The following AGPAT3 variants were observed in gnomAD, a reference collection of about 807,000 sequenced individuals.
AGPAT3 encodes 1-acyl-sn-glycerol-3-phosphate acyltransferase gamma.
Under a neutral mutation model 47.3 loss-of-function variants are expected in AGPAT3, and 5 were observed. The ratio of observed to expected loss-of-function variants is 0.11; its 90% confidence interval spans 0.06 to 0.22. The LOEUF (loss-of-function observed/expected upper bound fraction) is 0.22, where lower values mean the gene tolerates loss of function less well. AGPAT3 is among the 10% of genes least tolerant of loss of function. AGPAT3 has a pLI of 1.00. For synonymous variants in AGPAT3, 212 were observed against 208.3 expected (o/e 1.02, Z -0.15); for missense variants, 315 against 493.0 (o/e 0.64, Z 3.42).
chr21:43,950,666 T>C (rs1434839798), intron 2 of AGPAT3: 6 of 152,294 alleles, frequency 3.9e-5, no homozygotes, highest in Admixed American at 1.3e-4. Flanking sequence ...CGCTGCTCAG[T>C]GGCCTCCAAG....
In AGPAT3 at chr21:43,939,986, C is replaced by T. The variant is rs567267202; in HGVS notation, c.-48-19648C>T. On this transcript the variant is annotated intron_variant, in intron 2 of 9. Transcript: ENST00000291572. The surrounding 1 kb of genome is among the most constrained non-coding windows in gnomAD (Gnocchi z 4.4). ...AACCTGTGTGTATGTCCTGCTTCAG[C>T]GCGCTCCTGGGGTCCCTTGAGTTGG... 2.0e-5 allele frequency among the ~76,000 whole-genome samples: 3 copies of T among 152,232 alleles called. No individual in the cohort carries two copies. Among genetic ancestry groups the T allele is most frequent in the South Asian group, 2.1e-4 (1 of 4,832 alleles).
intron 1 of AGPAT3, among the ~76,000 whole-genome samples, chr21:43,896,216 T>A (rs1289690569): frequency 3.3e-5 from 5 of 152,246 alleles, no homozygotes; most frequent in Non-Finnish European, 7.3e-5. Flanking sequence ...GATAACTGTT[T>A]TTAACTTCTG....
chr21:43,985,363 C>T lies in AGPAT3; in HGVS notation c.*2971C>T. 1 of 337,118 alleles carries T rather than the reference C, an allele frequency of 3.0e-6. No individual in the cohort carries two copies. Among genetic ancestry groups the T allele is most frequent in the Middle Eastern group, 4.1e-4 (1 of 2,428 alleles). The allele number at this position is 337,118 out of a possible 1,614,324, so 20.9% of individuals were successfully genotyped here. On this transcript the variant is annotated 3_prime_UTR_variant, in exon 10 of 10. Transcript: ENST00000291572. ...GAGCGCTGAACAAATCACTAAATAA[C>T]ACAAAACAACAATGTAAGCAGCACT...
At chr21:43,895,862 G>T (rs2086204308) in intron 1 of AGPAT3, among the ~76,000 whole-genome samples, 1 of 152,206 alleles carries the variant, frequency 6.6e-6, no homozygotes, top group Non-Finnish European at 1.5e-5. Context: ...CACCTCCCTG[G>T]TTTGAGTGGT....
Position 43,969,092 on chromosome 21 carries a change from G to A in AGPAT3, c.349-26G>A, listed in dbSNP as rs1437111790. On this transcript the variant is annotated intron_variant, in intron 4 of 9. Transcript: ENST00000291572. The stretch of plus-strand genomic sequence containing the variant: ...GCCTCTGTCCGACGCTGAAGTGCCA[G>A]GTGCCCCTCCTTCTCCTCCCTCCAG... The A allele has an allele frequency of 5.0e-6, 8 of 1,612,492 alleles. No individual in the cohort carries two copies. The East Asian group carries it at 1.1e-4, about 22-fold the overall frequency.
In AGPAT3 at chr21:43,872,815, A is replaced by G. The variant is rs185846916; in HGVS notation, c.-112+7470A>G. 5.3e-4 allele frequency among the ~76,000 whole-genome samples: 81 copies of G among 152,338 alleles called. 1 individual carries two copies. Among genetic ancestry groups the G allele is most frequent in the Admixed American group, 3.3e-3 (51 of 15,304 alleles). ...CCATGCTGCCTTCCGGTGTGGGTACAAACAGTGGCCGTTTAGTTCTGAATC... is the reference window on the plus strand; with the variant it reads ...CCATGCTGCCTTCCGGTGTGGGTACGAACAGTGGCCGTTTAGTTCTGAATC... On this transcript the variant is annotated intron_variant, in intron 1 of 9. Transcript: ENST00000291572.
chr21:43,977,416 CA>C (rs1441650608), intron 7 of AGPAT3, among the ~76,000 whole-genome samples: 1 of 152,204 alleles, frequency 6.6e-6, no homozygotes, highest in African/African-American at 2.4e-5. Context: ...CTCATGGGAC[CA>C]GGGGCGTGGC....
intron 2 of AGPAT3, among the ~76,000 whole-genome samples, chr21:43,909,064 A>T (rs1022078260): frequency 6.6e-6 from 1 of 152,110 alleles, no homozygotes; most frequent in Admixed American, 6.5e-5. Context: ...TTTAATTTTT[A>T]CTTACTATTT....
chr21:43,929,708 A>T (rs1224537803), intron 2 of AGPAT3, among the ~76,000 whole-genome samples: 4 of 152,128 alleles, frequency 2.6e-5, no homozygotes, highest in African/African-American at 9.7e-5. Context: ...CCTTACTGGG[A>T]TGGAGGGAGA....
At chr21:43,946,315 T>G (rs2087886783) in intron 2 of AGPAT3, among the ~76,000 whole-genome samples, 1 of 152,162 alleles carries the variant, frequency 6.6e-6, no homozygotes, top group Admixed American at 6.6e-5. Flanking sequence ...GAAAAGTGCA[T>G]GAGGCCAGGC....
intron 2 of AGPAT3, among the ~76,000 whole-genome samples, chr21:43,944,559 A>G (rs927367050): frequency 2.0e-5 from 3 of 152,230 alleles, no homozygotes; most frequent in African/African-American, 4.8e-5. Flanking sequence ...ACTGATTGAC[A>G]GGGGAGAAAG....
intron 2 of AGPAT3, among the ~76,000 whole-genome samples, chr21:43,935,373 G>A (rs1372476851): frequency 6.6e-6 from 1 of 152,250 alleles, no homozygotes; most frequent in African/African-American, 2.4e-5. Context: ...GGGAGGCTGA[G>A]CCGGGGTCCC....
chr21:43,960,996 T>C (rs1177753505), intron 3 of AGPAT3, among the ~76,000 whole-genome samples: 1 of 151,864 alleles, frequency 6.6e-6, no homozygotes, highest in Non-Finnish European at 1.5e-5. Flanking sequence ...CAAAATTAGC[T>C]GAGCATGGTG....
intron 2 of AGPAT3, among the ~76,000 whole-genome samples, chr21:43,931,505 A>G (rs1477350382): frequency 6.6e-6 from 1 of 152,212 alleles, no homozygotes; most frequent in Non-Finnish European, 1.5e-5. Flanking sequence ...TTATATTCCT[A>G]TGACATTTGT....
chr21:43,964,037 G>C (rs1018674168), intron 3 of AGPAT3, among the ~76,000 whole-genome samples: 6 of 152,152 alleles, frequency 3.9e-5, no homozygotes, highest in Non-Finnish European at 8.8e-5. Flanking sequence ...TTTCAAGAAA[G>C]AATGGTAGCC....
chr21:43,888,526 C>T (rs1026588922), intron 1 of AGPAT3, among the ~76,000 whole-genome samples: 5 of 151,990 alleles, frequency 3.3e-5, no homozygotes, highest in African/African-American at 4.8e-5. Context: ...ACATGTACCC[C>T]GGAACTTAAA....
intron 2 of AGPAT3, chr21:43,948,044 C>T (rs1470897614): frequency 6.6e-6 from 1 of 152,204 alleles, no homozygotes; most frequent in Non-Finnish European, 1.5e-5. Flanking sequence ...ATGCCAGGCC[C>T]ACGTGAGTAA....
intron 2 of AGPAT3, among the ~76,000 whole-genome samples, chr21:43,923,594 G>T (rs925189550): frequency 2.0e-5 from 3 of 152,222 alleles, no homozygotes; most frequent in Non-Finnish European, 4.4e-5. Context: ...GACCCAACTG[G>T]CTGGAAGCTG....
chr21:43,908,942 T>C lies in AGPAT3; in HGVS notation c.-49+4923T>C, dbSNP rs975574304. ...TCCGAGGTTGGCCTGCGTCTTTTGC[T>C]CCTGGGTCCTTACGTGCCCTGTCAC... On this transcript the variant is annotated intron_variant, in intron 2 of 9. Transcript: ENST00000291572. This position sits in a 1 kb window ranked among gnomAD's most constrained non-coding sequence, Gnocchi z 4.9. Among the ~76,000 whole-genome samples, 2 of 152,152 alleles carry C rather than the reference T, an allele frequency of 1.3e-5. No individual in the cohort carries two copies. Among genetic ancestry groups the C allele is most frequent in the Admixed American group, 6.5e-5 (1 of 15,272 alleles).
Sources: gnomAD v4.1 joint callset for allele counts (sites outside exome capture counted in the v4.1 genomes callset) on GRCh38, gnomAD v4.1.1 for gene constraint, Gnocchi (gnomAD v3.1) non-coding constraint, MANE v1.5 for transcripts, NCBI Gene and HGNC (gene_info 2026-07-23, HGNC 2026-07-21) for gene names.